RGS21: variants seen among roughly 807,000 people sequenced by gnomAD.
RGS21 encodes the protein regulator of G protein signaling 21.
Under a neutral mutation model 18.7 loss-of-function variants are expected in RGS21, and 19 were observed. The ratio of observed to expected loss-of-function variants is 1.01; its 90% confidence interval spans 0.71 to 1.49. RGS21 has a LOEUF of 1.49. Among genes scored for constraint, RGS21 ranks in the 40% most tolerant of loss-of-function variants. RGS21 has a pLI of 0.00. For missense variants in RGS21, 194 were observed against 176.8 expected (o/e 1.10, Z -0.55); for synonymous variants, 56 against 57.8 (o/e 0.97, Z 0.14).
chr1:192,324,561 G>C (rs534681893), intron 1 of RGS21, among the ~76,000 whole-genome samples: 1 of 151,880 alleles, frequency 6.6e-6, no homozygotes, highest in African/African-American at 2.4e-5. Context: ...TTGGAAATCT[G>C]CACATAAAAC....
intron 4 of RGS21, among the ~76,000 whole-genome samples, chr1:192,359,075 A>G: frequency 6.6e-6 from 1 of 152,110 alleles, no homozygotes; most frequent in South Asian, 2.1e-4. Flanking sequence ...TAAGAACCAC[A>G]ATCCTGTGTC....
chr1:192,359,834 T>G (rs1659163839), intron 4 of RGS21, among the ~76,000 whole-genome samples: 1 of 151,102 alleles, frequency 6.6e-6, no homozygotes. Context: ...GTAAGATATA[T>G]ATATCTATCT....
chr1:192,351,775 TA>T (rs1659045137), intron 3 of RGS21, among the ~76,000 whole-genome samples: 3 of 147,666 alleles, frequency 2.0e-5, no homozygotes, highest in Non-Finnish European at 4.5e-5. Flanking sequence ...ATAACATATA[TA>T]ATATATATAA....
At chr1:192,328,660 A>G (rs763708113) in intron 1 of RGS21, among the ~76,000 whole-genome samples, 2 of 152,200 alleles carry the variant, frequency 1.3e-5, no homozygotes, top group Non-Finnish European at 2.9e-5. Context: ...GGAAATAATT[A>G]TCAAAATACA....
intron 1 of RGS21, among the ~76,000 whole-genome samples, chr1:192,339,332 C>T (rs1658818089): frequency 6.6e-6 from 1 of 151,848 alleles, no homozygotes; most frequent in Non-Finnish European, 1.5e-5. Context: ...TTTATCCTAC[C>T]TTTAATGATG....
intron 1 of RGS21, among the ~76,000 whole-genome samples, chr1:192,341,235 C>A (rs146712446): frequency 0.011 from 1,699 of 152,098 alleles, 21 homozygotes; most frequent in Middle Eastern, 0.061. Context: ...ATAATTACAC[C>A]CCATCCCCCA....
chr1:192,363,551 T>C (rs1659216099), intron 4 of RGS21, among the ~76,000 whole-genome samples: 1 of 152,160 alleles, frequency 6.6e-6, no homozygotes, highest in Non-Finnish European at 1.5e-5. Context: ...ATCTTGATAA[T>C]AGCCACTATT....
chr1:192,353,166 A>G (rs1216640933), intron 4 of RGS21, among the ~76,000 whole-genome samples: 2 of 152,064 alleles, frequency 1.3e-5, no homozygotes, highest in Non-Finnish European at 2.9e-5. Context: ...CTTATAGGAA[A>G]AAAAGATAGA....
intron 4 of RGS21, among the ~76,000 whole-genome samples, chr1:192,363,511 A>G (rs534004770): frequency 6.6e-6 from 1 of 152,300 alleles, no homozygotes; most frequent in African/African-American, 2.4e-5. Context: ...TATGAAACAG[A>G]CTATAGTAGA....
At chr1:192,360,898 C>G (rs1659179256) in intron 4 of RGS21, among the ~76,000 whole-genome samples, 2 of 151,950 alleles carry the variant, frequency 1.3e-5, no homozygotes, top group Non-Finnish European at 2.9e-5. Context: ...TTTTGGGTTA[C>G]TTTTTCAAAA....
intron 2 of RGS21, among the ~76,000 whole-genome samples, chr1:192,344,774 T>C (rs1315065797): frequency 6.6e-6 from 1 of 152,016 alleles, no homozygotes; most frequent in Non-Finnish European, 1.5e-5. Context: ...GGATAAGAAA[T>C]AGGCTATAAA....
intron 4 of RGS21, among the ~76,000 whole-genome samples, chr1:192,360,469 C>T (rs1426409180): frequency 6.6e-6 from 1 of 152,130 alleles, no homozygotes; most frequent in African/African-American, 2.4e-5. Context: ...AATCTATGCA[C>T]TTCCCTTTAT....
At chr1:192,353,711 C>T (rs1659075953) in intron 4 of RGS21, among the ~76,000 whole-genome samples, 1 of 151,398 alleles carries the variant, frequency 6.6e-6, no homozygotes, top group Non-Finnish European at 1.5e-5. Flanking sequence ...TATTTATTTT[C>T]CTAACCTTTT....
chr1:192,366,144 A>ATTAATCACTATACT lies in RGS21; in HGVS notation c.*21_*22insTAATCACTATACTT, dbSNP rs1284205019. 7.4e-7 allele frequency: 1 copy of ATTAATCACTATACT among 1,350,776 alleles called. No homozygotes were observed. Among genetic ancestry groups the ATTAATCACTATACT allele is most frequent in the Non-Finnish European group, 1.1e-6 (1 of 943,526 alleles). 83.7% of individuals were successfully genotyped at this position (1,350,776 alleles called of 1,614,324 possible). ...TTGTGAGGAAGGTAAAAGTTAACTA[A>ATTAATCACTATACT]TCACTATACTTCAGGGCTACAATAT... On this transcript the variant is annotated 3_prime_UTR_variant, in exon 5 of 5. Coordinates refer to ENST00000417209, the MANE Select transcript of RGS21 (RefSeq NM_001039152.3).
At chr1:192,350,977 G>T (rs1414059813) in intron 3 of RGS21, among the ~76,000 whole-genome samples, 1 of 152,172 alleles carries the variant, frequency 6.6e-6, no homozygotes, top group Non-Finnish European at 1.5e-5. Flanking sequence ...GAGACTCATA[G>T]AAATCACCGA....
chr1:192,342,947 G>T (rs1264934335), intron 1 of RGS21, 30 bp from the exon 2 acceptor site: 2 of 1,308,680 alleles, frequency 1.5e-6, no homozygotes, highest in Non-Finnish European at 1.1e-6. Flanking sequence ...CATACTAATT[G>T]TAATGTTCCT....
At chr1:192,361,885 A>T (rs974019848) in intron 4 of RGS21, among the ~76,000 whole-genome samples, 4 of 152,108 alleles carry the variant, frequency 2.6e-5, no homozygotes, top group African/African-American at 9.7e-5. Flanking sequence ...TGAATATAAT[A>T]AAAAGGAAAT....
rs967522564 is a variant in RGS21 at position 192,367,138 on chromosome 1, T to C, written c.*1014T>C. 9.9e-5 allele frequency: 15 copies of C among 152,078 alleles called. No individual in the cohort carries two copies. The highest frequency in any genetic ancestry group is 6.6e-4 in the Admixed American group (10 of 15,234). 9.4% of individuals were successfully genotyped at this position (152,078 alleles called of 1,614,324 possible). A position where few individuals can be genotyped will look rare whatever the true frequency, so the allele number is the denominator to read the frequency against. Reference sequence around the variant, plus strand: ...CTTTGCACAGATTTATTTATCTGCATTGATATTTCTGCTTTTAGATTGTTT... The same window carrying C: ...CTTTGCACAGATTTATTTATCTGCACTGATATTTCTGCTTTTAGATTGTTT... On this transcript the variant is annotated 3_prime_UTR_variant, in exon 5 of 5. Transcript: ENST00000417209.
At chr1:192,336,747 A>T (rs79004386) in intron 1 of RGS21, among the ~76,000 whole-genome samples, 1 of 149,080 alleles carries the variant, frequency 6.7e-6, no homozygotes, top group African/African-American at 2.5e-5. Flanking sequence ...CTTCTCCATT[A>T]AAAAAAAATG....
Sources: allele counts gnomAD v4.1 joint callset (sites outside exome capture counted in the v4.1 genomes callset), GRCh38; gene constraint gnomAD v4.1.1; transcripts MANE v1.5; gene names NCBI Gene and HGNC (gene_info 2026-07-23, HGNC 2026-07-21).